NALF1: variants seen among roughly 807,000 people sequenced by gnomAD.
NALF1 encodes the protein family with sequence similarity 155 member A.
NALF1 carries 3 observed loss-of-function variants against 48.4 expected under a neutral mutation model. The ratio of observed to expected loss-of-function variants is 0.06; its 90% CI spans 0.03 to 0.16. The LOEUF is 0.16. Ranked by LOEUF, NALF1 falls within the 10% of genes least tolerant of loss-of-function variation. The probability of loss-of-function intolerance (pLI) is 1.00; values close to 1 mark genes in which losing one functional copy is unlikely to be tolerated. For missense variants in NALF1, 526 were observed against 571.5 expected (o/e 0.92, Z 0.81); for synonymous variants, 262 against 245.7 (o/e 1.07, Z -0.62).
At chr13:107,681,046 G>C (rs1881289118) in intron 1 of NALF1, among the ~76,000 whole-genome samples, 1 of 152,016 alleles carries the variant, frequency 6.6e-6, no homozygotes, top group Non-Finnish European at 1.5e-5. Flanking sequence ...CTAAAGCTGA[G>C]TGAATGAAGG....
chr13:107,503,340 T>C (rs780171859), intron 1 of NALF1, among the ~76,000 whole-genome samples: 12 of 151,996 alleles, frequency 7.9e-5, no homozygotes, highest in Non-Finnish European at 1.8e-4. Flanking sequence ...CCAACAGGTA[T>C]ATGAAAAGGC....
At chr13:107,541,311 C>T (rs966232740) in intron 1 of NALF1, among the ~76,000 whole-genome samples, 1 of 152,112 alleles carries the variant, frequency 6.6e-6, no homozygotes, top group Non-Finnish European at 1.5e-5. Flanking sequence ...GTCCTAAACA[C>T]CGTTGTTGTT....
intron 2 of NALF1, among the ~76,000 whole-genome samples, chr13:107,191,788 C>G (rs1879286076): frequency 6.6e-6 from 1 of 151,166 alleles, no homozygotes; most frequent in South Asian, 2.1e-4. Context: ...TCTCTTGCCT[C>G]AGCCTCCAGA....
At chr13:107,615,435 T>C (rs2138436231) in intron 1 of NALF1, among the ~76,000 whole-genome samples, 1 of 152,316 alleles carries the variant, frequency 6.6e-6, no homozygotes, top group South Asian at 2.1e-4. Context: ...TCATGATTGT[T>C]TCACAAACCC....
intron 1 of NALF1, among the ~76,000 whole-genome samples, chr13:107,795,829 A>T (rs1056272755): frequency 2.6e-5 from 4 of 152,226 alleles, no homozygotes; most frequent in Non-Finnish European, 5.9e-5. Context: ...CTCTAGTTTC[A>T]TCTCAGTAGC....
intron 1 of NALF1, among the ~76,000 whole-genome samples, chr13:107,270,262 C>T (rs1881134284): frequency 1.3e-5 from 2 of 151,876 alleles, no homozygotes; most frequent in South Asian, 4.2e-4. Context: ...TTAATGGTTT[C>T]CAAGAACAAA....
At chr13:107,550,869 T>G (rs142654548) in intron 1 of NALF1, among the ~76,000 whole-genome samples, 1 of 152,036 alleles carries the variant, frequency 6.6e-6, no homozygotes, top group Non-Finnish European at 1.5e-5. Context: ...TTTCTCTAAC[T>G]TTGAGGTTAT....
At chr13:107,834,164 T>C (rs1328034506) in intron 1 of NALF1, among the ~76,000 whole-genome samples, 1 of 152,232 alleles carries the variant, frequency 6.6e-6, no homozygotes, top group African/African-American at 2.4e-5. Flanking sequence ...CTAGAGATGA[T>C]TTAATGTACA....
At position 107,181,790 on chromosome 13, in the gene NALF1, T is replaced by C. The variant is rs148573648; in HGVS notation, c.1088-11004A>G. Among the ~76,000 whole-genome samples the C allele has an allele frequency of 9.6e-4, 146 of 152,216 alleles. 1 individual carries two copies. The highest frequency in any genetic ancestry group is 3.4e-3 in the African/African-American group (142 of 41,556). On this transcript the variant is annotated intron_variant, in intron 2 of 2. Transcript: ENST00000375915. The stretch of plus-strand genomic sequence containing the variant: ...TAGGCACAGAAAGTTCATAAACACA[T>C]TTCACTAGACATTCATCACTAAACT...
At chr13:107,490,700 C>T (rs1232168603) in intron 1 of NALF1, among the ~76,000 whole-genome samples, 1 of 151,814 alleles carries the variant, frequency 6.6e-6, no homozygotes, top group African/African-American at 2.4e-5. Context: ...GCACATGTAA[C>T]CCTGAACTTA....
chr13:107,759,127 C>A (rs1296227556), intron 1 of NALF1, among the ~76,000 whole-genome samples: 1 of 152,160 alleles, frequency 6.6e-6, no homozygotes, highest in African/African-American at 2.4e-5. Context: ...ACAGCAGGGT[C>A]AGGAGAAATA....
At chr13:107,721,436 T>TGTGC (rs1875983865) in intron 1 of NALF1, among the ~76,000 whole-genome samples, 4 of 152,110 alleles carry the variant, frequency 2.6e-5, no homozygotes, top group African/African-American at 9.7e-5. Context: ...ACAGATGGAT[T>TGTGC]TTCAATGCTA....
At chr13:107,266,464 T>G (rs754840927) in intron 1 of NALF1, among the ~76,000 whole-genome samples, 31 of 152,338 alleles carry the variant, frequency 2.0e-4, no homozygotes, top group Admixed American at 6.5e-4. Flanking sequence ...ATTTCCTTTT[T>G]GGCATCATTT....
chr13:107,851,924 T>A (rs1281611044), intron 1 of NALF1, among the ~76,000 whole-genome samples: 3 of 145,296 alleles, frequency 2.1e-5, no homozygotes, highest in Non-Finnish European at 3.0e-5. Flanking sequence ...CCCTCCTACC[T>A]CAGTCCCCCA....
At chr13:107,407,787 A>C (rs1435249756) in intron 1 of NALF1, among the ~76,000 whole-genome samples, 1 of 152,134 alleles carries the variant, frequency 6.6e-6, no homozygotes, top group Non-Finnish European at 1.5e-5. Flanking sequence ...TGTTGAGCAG[A>C]TATCTGCCCT....
At chr13:107,795,524 A>C (rs1878393962) in intron 1 of NALF1, among the ~76,000 whole-genome samples, 1 of 152,210 alleles carries the variant, frequency 6.6e-6, no homozygotes, top group Admixed American at 6.5e-5. Context: ...AATTGCTGGA[A>C]GAAAATCCTT....
intron 1 of NALF1, among the ~76,000 whole-genome samples, chr13:107,808,568 C>T (rs866192606): frequency 1.3e-5 from 2 of 151,602 alleles, no homozygotes; most frequent in African/African-American, 4.8e-5. Context: ...ACTGATGACT[C>T]GAGAAAAGAA....
chr13:107,321,760 CA>C (rs2138914403), intron 1 of NALF1, among the ~76,000 whole-genome samples: 1 of 152,194 alleles, frequency 6.6e-6, no homozygotes, highest in Non-Finnish European at 1.5e-5. Flanking sequence ...GGCATCTTAT[CA>C]AAAATAATCA....
At chr13:107,192,354 G>T (rs531049272) in intron 2 of NALF1, among the ~76,000 whole-genome samples, 1 of 152,240 alleles carries the variant, frequency 6.6e-6, no homozygotes, top group East Asian at 1.9e-4. Context: ...TGTCTGGGCC[G>T]CTTACAGACT....
Sources: gnomAD v4.1 joint callset for allele counts (sites outside exome capture counted in the v4.1 genomes callset) on GRCh38, gnomAD v4.1.1 for gene constraint, MANE v1.5 for transcripts, NCBI Gene and HGNC (gene_info 2026-07-23, HGNC 2026-07-21) for gene names.